The following CSMD1 variants were observed in gnomAD, a reference collection of about 807,000 sequenced individuals.
The protein encoded by CSMD1 is CUB and Sushi multiple domains 1, also known as CUB and sushi domain-containing protein 1.
Under a neutral mutation model 417.5 loss-of-function variants are expected in CSMD1, and 213 were observed. The observed-to-expected ratio is 0.51, with a 90% CI of 0.46 to 0.57. The LOEUF is 0.57. Among genes scored for constraint, CSMD1 ranks in the 20% least tolerant of loss-of-function variants. The pLI is 0.00. For missense variants in CSMD1, 6,923 were observed against 4,529.7 expected, an observed-to-expected ratio of 1.53 and a Z score of -15.17; for synonymous variants, 2,862 against 1,736.8, an observed-to-expected ratio of 1.65 and a Z score of -16.11.
At chr8:3,649,997 G>T (rs147236634) in intron 7 of CSMD1, among the ~76,000 whole-genome samples, 1 of 152,216 alleles carries the variant, frequency 6.6e-6, no homozygotes, top group African/African-American at 2.4e-5. Context: ...TGATAAATGA[G>T]GCTGGGCCTG....
At chr8:3,973,937 C>T (rs563443629) in intron 5 of CSMD1, among the ~76,000 whole-genome samples, 3 of 152,134 alleles carry the variant, frequency 2.0e-5, no homozygotes, top group African/African-American at 7.2e-5. Flanking sequence ...GTGAAACATG[C>T]ACATCATGAA....
intron 1 of CSMD1, among the ~76,000 whole-genome samples, chr8:4,887,151 C>T (rs920861428): frequency 6.6e-6 from 1 of 151,974 alleles, no homozygotes; most frequent in Admixed American, 6.6e-5. Context: ...TACCTGCATT[C>T]CATAAGATCT....
At chr8:3,732,464 T>C (rs376571649) in intron 6 of CSMD1, among the ~76,000 whole-genome samples, 1 of 152,162 alleles carries the variant, frequency 6.6e-6, no homozygotes, top group African/African-American at 2.4e-5. Context: ...AATAGTAATT[T>C]AACTACAAAA....
intron 3 of CSMD1, among the ~76,000 whole-genome samples, chr8:4,231,215 G>A (rs1330365915): frequency 6.6e-6 from 1 of 152,188 alleles, no homozygotes. Flanking sequence ...GAAAGGCATT[G>A]TCTTATCCCT....
chr8:4,929,717 G>A (rs1315566237), intron 1 of CSMD1, among the ~76,000 whole-genome samples: 3 of 152,022 alleles, frequency 2.0e-5, no homozygotes, highest in African/African-American at 2.4e-5. Context: ...TCTGGAGCCC[G>A]CACTTGACAA....
intron 37 of CSMD1, among the ~76,000 whole-genome samples, chr8:3,170,435 C>A (rs1034878396): frequency 2.6e-5 from 4 of 152,192 alleles, no homozygotes; most frequent in Admixed American, 6.5e-5. Context: ...GTCTCGATCT[C>A]CTGACCTTGT....
chr8:4,704,588 C>A (rs140195390), intron 1 of CSMD1, among the ~76,000 whole-genome samples: 1 of 152,342 alleles, frequency 6.6e-6, no homozygotes, highest in East Asian at 1.9e-4. Flanking sequence ...AACATAACCA[C>A]ATCGATCAAC....
intron 26 of CSMD1, among the ~76,000 whole-genome samples, chr8:3,275,637 C>CT (rs1260801035): frequency 6.6e-6 from 1 of 152,062 alleles, no homozygotes. Flanking sequence ...TCTTTTTATT[C>CT]TTTTTTCTCT....
intron 7 of CSMD1, among the ~76,000 whole-genome samples, chr8:3,708,089 T>G (rs1801280886): frequency 6.6e-6 from 1 of 152,044 alleles, no homozygotes; most frequent in Admixed American, 6.5e-5. Context: ...CTGGTGTGTG[T>G]GGGGTGTGCA....
chr8:3,018,748 A>T, intron 51 of CSMD1, 98 bp from the exon 52 acceptor site: 1 of 1,159,934 alleles, frequency 8.6e-7, no homozygotes, highest in Non-Finnish European at 1.2e-6. Flanking sequence ...AAACCAAAAA[A>T]CTATTTTTAG....
At chr8:4,658,033 A>G (rs1804354535) in intron 1 of CSMD1, among the ~76,000 whole-genome samples, 1 of 152,132 alleles carries the variant, frequency 6.6e-6, no homozygotes, top group African/African-American at 2.4e-5. Flanking sequence ...GAAAATATCC[A>G]GTATGAAGAA....
chr8:4,408,798 A>G (rs762059129), intron 3 of CSMD1, among the ~76,000 whole-genome samples: 82 of 152,016 alleles, frequency 5.4e-4, no homozygotes, highest in Non-Finnish European at 8.8e-4. Flanking sequence ...CCATTTAAAG[A>G]AAAAAAATAG....
chr8:4,770,309 T>C (rs1437890300), intron 1 of CSMD1, among the ~76,000 whole-genome samples: 1 of 148,268 alleles, frequency 6.7e-6, no homozygotes, highest in Non-Finnish European at 1.5e-5. Context: ...TTATATATAA[T>C]TAGCAACTAT....
intron 7 of CSMD1, among the ~76,000 whole-genome samples, chr8:3,672,691 C>G (rs1449550720): frequency 2.0e-5 from 3 of 152,134 alleles, no homozygotes; most frequent in Non-Finnish European, 4.4e-5. Context: ...AAGGCTGTCT[C>G]CAGTGATGGG....
chr8:4,438,067 T>C (rs957498905), intron 2 of CSMD1, among the ~76,000 whole-genome samples: 1 of 152,180 alleles, frequency 6.6e-6, no homozygotes, highest in Non-Finnish European at 1.5e-5. Flanking sequence ...CAGCCAATAT[T>C]CACACTCAGC....
chr8:4,889,363 G>A (rs13266795), intron 1 of CSMD1, among the ~76,000 whole-genome samples: 58,951 of 151,962 alleles, frequency 0.39, 11,699 homozygotes, highest in Middle Eastern at 0.47. Flanking sequence ...TCAACCTCTT[G>A]AAAGATAAGG....
At chr8:3,467,612 ACC>A (rs1384657882) in intron 12 of CSMD1, among the ~76,000 whole-genome samples, 2 of 152,036 alleles carry the variant, frequency 1.3e-5, no homozygotes, top group Non-Finnish European at 2.9e-5. Context: ...GCAAGGAGGG[ACC>A]CTATTTTATG....
intron 1 of CSMD1, among the ~76,000 whole-genome samples, chr8:4,976,078 C>T (rs1410433833): frequency 6.6e-6 from 1 of 152,124 alleles, no homozygotes; most frequent in Non-Finnish European, 1.5e-5. Flanking sequence ...AATTGGTTGA[C>T]ACATGTTCTC....
At chr8:3,934,408 A>G (rs1172111076) in intron 5 of CSMD1, among the ~76,000 whole-genome samples, 1 of 152,206 alleles carries the variant, frequency 6.6e-6, no homozygotes, top group African/African-American at 2.4e-5. Flanking sequence ...TGAAATCAGT[A>G]ATGAACACCG....
Sources: gnomAD v4.1 joint callset for allele counts (sites outside exome capture counted in the v4.1 genomes callset) on GRCh38, gnomAD v4.1.1 for gene constraint, MANE v1.5 for transcripts, NCBI Gene and HGNC (gene_info 2026-07-23, HGNC 2026-07-21) for gene names.